The following SHANK2 variants were observed in gnomAD, a reference collection of about 807,000 sequenced individuals.
The protein encoded by SHANK2 is SH3 and multiple ankyrin repeat domains protein 2.
Under a neutral mutation model 133.7 loss-of-function variants are expected in SHANK2, and 43 were observed. The ratio of observed to expected loss-of-function variants is 0.32; its 90% CI spans 0.25 to 0.41. SHANK2 has a LOEUF of 0.41. Ranked by LOEUF, SHANK2 falls within the 10% of genes least tolerant of loss-of-function variation. The probability of loss-of-function intolerance (pLI) is 1.00; values close to 1 mark genes in which losing one functional copy is unlikely to be tolerated. For missense variants in SHANK2, 1,994 were observed against 2,235.8 expected, an observed-to-expected ratio of 0.89 and a Z score of 2.18; for synonymous variants, 1,017 against 952.8, an observed-to-expected ratio of 1.07 and a Z score of -1.24.
At chr11:70,691,569 C>CA (rs1327367027) in intron 15 of SHANK2, among the ~76,000 whole-genome samples, 1 of 152,156 alleles carries the variant, frequency 6.6e-6, no homozygotes, top group Non-Finnish European at 1.5e-5. Flanking sequence ...CAAAAAACTA[C>CA]AAAAGAACTA....
At chr11:71,212,466 A>C (rs1555119005) in intron 2 of SHANK2, among the ~76,000 whole-genome samples, 6 of 152,210 alleles carry the variant, frequency 3.9e-5, no homozygotes, top group Non-Finnish European at 8.8e-5. Context: ...GGGGAAAACA[A>C]GCCTCGTTCC....
intron 2 of SHANK2, among the ~76,000 whole-genome samples, chr11:71,177,690 G>A (rs1209729650): frequency 6.6e-6 from 1 of 152,092 alleles, no homozygotes; most frequent in Non-Finnish European, 1.5e-5. Context: ...CATTAAATGT[G>A]ACCCAACTCT....
intron 11 of SHANK2, among the ~76,000 whole-genome samples, chr11:70,845,869 G>A (rs550145883): frequency 1.4e-4 from 21 of 152,206 alleles, no homozygotes; most frequent in African/African-American, 4.6e-4. Context: ...GAAACCGCCA[G>A]TGTTTGTCTC....
At chr11:70,745,626 G>A (rs1223773508) in intron 14 of SHANK2, among the ~76,000 whole-genome samples, 3 of 152,148 alleles carry the variant, frequency 2.0e-5, no homozygotes, top group African/African-American at 4.8e-5. Context: ...AATCCTCTCC[G>A]GGGAACGTGG....
intron 3 of SHANK2, among the ~76,000 whole-genome samples, chr11:71,145,427 T>C (rs55690281): frequency 0.042 from 6,365 of 152,348 alleles, 240 homozygotes; most frequent in African/African-American, 0.1. Context: ...TGGACAAGTT[T>C]GTCCTAGACG....
intron 10 of SHANK2, among the ~76,000 whole-genome samples, chr11:70,914,935 G>A (rs1555079635): frequency 2.0e-5 from 3 of 149,728 alleles, no homozygotes; most frequent in East Asian, 3.9e-4. Flanking sequence ...AAAAAAGGAA[G>A]AAAATTCAGT....
At chr11:71,063,672 T>C (rs1201308341) in intron 9 of SHANK2, among the ~76,000 whole-genome samples, 1 of 152,230 alleles carries the variant, frequency 6.6e-6, no homozygotes, top group Non-Finnish European at 1.5e-5. Context: ...CTGGCTGCCC[T>C]GGATTCCTTT....
At chr11:70,799,409 AAAAG>A (rs1367503895) in intron 13 of SHANK2, among the ~76,000 whole-genome samples, 1 of 152,110 alleles carries the variant, frequency 6.6e-6, no homozygotes, top group Non-Finnish European at 1.5e-5. Flanking sequence ...TCTCAAAAAA[AAAAG>A]AAAGAAAAAG....
intron 14 of SHANK2, among the ~76,000 whole-genome samples, chr11:70,787,953 C>G (rs1555047050): frequency 6.6e-6 from 1 of 152,184 alleles, no homozygotes; most frequent in East Asian, 1.9e-4. Flanking sequence ...CTCTGAGGAT[C>G]ACATGAGTTA....
At chr11:70,516,317 A>G (rs2059265883) in intron 17 of SHANK2, among the ~76,000 whole-genome samples, 1 of 152,232 alleles carries the variant, frequency 6.6e-6, no homozygotes, top group African/African-American at 2.4e-5. Context: ...CCAGAAATAG[A>G]CCCACACAAA....
chr11:70,531,664 G>C (rs1451625858), intron 17 of SHANK2, among the ~76,000 whole-genome samples: 1 of 152,200 alleles, frequency 6.6e-6, no homozygotes, highest in Non-Finnish European at 1.5e-5. Context: ...CTGCGTCCTA[G>C]GAGTGGGGAT....
intron 12 of SHANK2, among the ~76,000 whole-genome samples, chr11:70,813,589 G>A (rs781848878): frequency 2.6e-5 from 4 of 152,054 alleles, no homozygotes; most frequent in Admixed American, 1.3e-4. Flanking sequence ...TCCAGGTTAC[G>A]GCTCACGCAG....
At chr11:70,724,085 GA>G (rs1210568760) in intron 14 of SHANK2, among the ~76,000 whole-genome samples, 2 of 151,086 alleles carry the variant, frequency 1.3e-5, no homozygotes, top group African/African-American at 4.9e-5. Context: ...GCCCAGGCTG[GA>G]GTGCAGTGGC....
chr11:70,702,587 T>C (rs1303356443), intron 14 of SHANK2, among the ~76,000 whole-genome samples: 1 of 152,228 alleles, frequency 6.6e-6, no homozygotes, highest in Non-Finnish European at 1.5e-5. Context: ...ACAATCATCT[T>C]CTTCACCATC....
At chr11:70,496,200 G>A (rs1383509854) in intron 21 of SHANK2, among the ~76,000 whole-genome samples, 1 of 152,218 alleles carries the variant, frequency 6.6e-6, no homozygotes, top group Non-Finnish European at 1.5e-5. Context: ...ATCAAGGAAG[G>A]TGGGACTCTA....
chr11:71,221,382 G>A lies in SHANK2; in HGVS notation c.-13+3315C>T, dbSNP rs996533901. Among the ~76,000 whole-genome samples, 7 of 152,240 alleles carry A rather than the reference G, an allele frequency of 4.6e-5. No individual in the cohort carries two copies. The South Asian group carries it at 8.3e-4, about 18-fold the overall frequency. ...AGGCAGTGGGTGCCCAGCAGGAGAC[G>A]GTGGCCGGAGCGCAGGTGCAGAGGA... On this transcript the variant is annotated intron_variant, in intron 2 of 25. Transcript: ENST00000601538.
rs115279304 is a variant in SHANK2, at chr11:70,679,067, G to A, written c.1854-17389C>T. ...CTGGGAAGAAGAAGACACCAGGCCC[G>A]TAACAGGTGACGGCACGGGGTCATC... On this transcript the variant is annotated intron_variant, in intron 15 of 25. Coordinates refer to ENST00000601538, the MANE Select transcript of SHANK2 (RefSeq NM_012309.5). Among the ~76,000 whole-genome samples, 1,049 of 152,276 alleles carry A rather than the reference G, an allele frequency of 6.9e-3. 11 individuals are homozygous for A. Among genetic ancestry groups the A allele is most frequent in the African/African-American group, 0.024 (986 of 41,552 alleles).
At chr11:71,077,699 C>G (rs1438317556) in intron 8 of SHANK2, among the ~76,000 whole-genome samples, 1 of 152,036 alleles carries the variant, frequency 6.6e-6, no homozygotes, top group Non-Finnish European at 1.5e-5. Flanking sequence ...GAAGATGCAG[C>G]TGCCATGCAG....
Position 71,148,619 on chromosome 11 carries a change from T to C in SHANK2, c.-12-1281A>G, listed in dbSNP as rs193022965. Among the ~76,000 whole-genome samples the C allele has an allele frequency of 1.7e-3, 264 of 152,276 alleles. 4 individuals carry two copies. The highest frequency in any genetic ancestry group is 0.017 in the Admixed American group (260 of 15,296). Reference sequence around the variant, plus strand: ...GAGGCCACGTGCATATGGAAAGGCATAGAAGATTGTTCCCTGCCAAAGCAG... The same window carrying C: ...GAGGCCACGTGCATATGGAAAGGCACAGAAGATTGTTCCCTGCCAAAGCAG... On this transcript the variant is annotated intron_variant, in intron 2 of 25. Transcript: ENST00000601538.
Sources: allele counts gnomAD v4.1 joint callset (sites outside exome capture counted in the v4.1 genomes callset), GRCh38; gene constraint gnomAD v4.1.1; transcripts MANE v1.5; gene names NCBI Gene and HGNC (gene_info 2026-07-23, HGNC 2026-07-21).